Variants in SNX29 observed in about 807,000 individuals in gnomAD.
SNX29 encodes the protein sorting nexin 29.
In SNX29, 78 loss-of-function variants were observed where a neutral mutation model predicts 102.1. That is an observed-to-expected ratio of 0.76 (90% CI 0.64 to 0.92). The LOEUF (loss-of-function observed/expected upper bound fraction) is 0.92, where lower values mean the gene tolerates loss of function less well. Ranked by LOEUF, SNX29 falls within the 40% of genes least tolerant of loss-of-function variation. The pLI is 0.00. For missense variants in SNX29, 1,280 were observed against 1,061.7 expected (o/e 1.21, Z -2.86); for synonymous variants, 580 against 414.5 (o/e 1.40, Z -4.85).
At chr16:12,494,352 C>G (rs2088702848) in intron 19 of SNX29, among the ~76,000 whole-genome samples, 1 of 152,196 alleles carries the variant, frequency 6.6e-6, no homozygotes. Flanking sequence ...TGTCTCCTTC[C>G]TCGCTGGACT....
chr16:12,391,332 C>T (rs967229832), intron 16 of SNX29, among the ~76,000 whole-genome samples: 26 of 152,202 alleles, frequency 1.7e-4, no homozygotes, highest in Admixed American at 1.2e-3. Context: ...AATTAACCAT[C>T]GGGTACTCTT....
At chr16:12,334,084 A>G (rs890828743) in intron 15 of SNX29, among the ~76,000 whole-genome samples, 1 of 152,140 alleles carries the variant, frequency 6.6e-6, no homozygotes, top group Non-Finnish European at 1.5e-5. Flanking sequence ...CCTTTCAGCT[A>G]GACGTAGGGA....
chr16:12,387,051 G>A (rs1373523120), intron 16 of SNX29, among the ~76,000 whole-genome samples: 1 of 152,060 alleles, frequency 6.6e-6, no homozygotes, highest in African/African-American at 2.4e-5. Context: ...CTTGAACCTG[G>A]GAGGCAGAGG....
At chr16:12,218,990 G>A (rs1439612885) in intron 14 of SNX29, among the ~76,000 whole-genome samples, 2 of 152,050 alleles carry the variant, frequency 1.3e-5, no homozygotes, top group Non-Finnish European at 2.9e-5. Flanking sequence ...TAGCCAGGTT[G>A]GTCTCGATCT....
At chr16:12,129,327 T>C (rs2054353095) in intron 12 of SNX29, among the ~76,000 whole-genome samples, 1 of 152,208 alleles carries the variant, frequency 6.6e-6, no homozygotes, top group Non-Finnish European at 1.5e-5. Context: ...GTAAAGGGAC[T>C]TGGCTGGAAT....
In SNX29 at chr16:12,189,031, G is replaced by A. The variant is rs1177657840; in HGVS notation, c.1596-10570G>A. Among the ~76,000 whole-genome samples the A allele has an allele frequency of 3.9e-5, 6 of 152,298 alleles. No homozygotes were observed. In the East Asian group the frequency reaches 1.2e-3, roughly 29 times the overall value. On this transcript the variant is annotated intron_variant, in intron 13 of 20. Transcript: ENST00000566228. ...GGCTCCCAGGTGCCAGAGTGGCCCAGAAGTGTCCTGGAGGCTTGCCAAAAT... is the reference window on the plus strand; with the variant it reads ...GGCTCCCAGGTGCCAGAGTGGCCCAAAAGTGTCCTGGAGGCTTGCCAAAAT...
chr16:12,384,785 A>C (rs1191022815), intron 16 of SNX29, among the ~76,000 whole-genome samples: 1 of 152,186 alleles, frequency 6.6e-6, no homozygotes, highest in African/African-American at 2.4e-5. Context: ...CTTTCTTAGA[A>C]AGTCTGCATG....
At chr16:12,385,094 C>T (rs1597180612) in intron 16 of SNX29, among the ~76,000 whole-genome samples, 2 of 152,166 alleles carry the variant, frequency 1.3e-5, no homozygotes, top group African/African-American at 2.4e-5. Context: ...CGCTTGAACC[C>T]GGGAGGCAGA....
At chr16:12,267,440 C>T (rs1167700663) in intron 14 of SNX29, among the ~76,000 whole-genome samples, 1 of 152,092 alleles carries the variant, frequency 6.6e-6, no homozygotes, top group Admixed American at 6.5e-5. Context: ...GATTTCATGC[C>T]GTGGTGTTTG....
At chr16:12,531,583 G>T (rs1182953175) in intron 20 of SNX29, among the ~76,000 whole-genome samples, 1 of 152,204 alleles carries the variant, frequency 6.6e-6, no homozygotes, top group Admixed American at 6.5e-5. Flanking sequence ...CCATTCTCTG[G>T]GATGAGGACG....
intron 10 of SNX29, among the ~76,000 whole-genome samples, chr16:12,078,345 C>T (rs992327519): frequency 2.0e-5 from 3 of 151,916 alleles, no homozygotes; most frequent in Non-Finnish European, 4.4e-5. Flanking sequence ...TGTGGTGGTG[C>T]GGGCCTGTAA....
intron 14 of SNX29, among the ~76,000 whole-genome samples, chr16:12,216,725 C>A (rs954466449): frequency 6.6e-6 from 1 of 150,652 alleles, no homozygotes; most frequent in Non-Finnish European, 1.5e-5. Flanking sequence ...ACCCCACCCA[C>A]CCCTACATCT....
intron 14 of SNX29, among the ~76,000 whole-genome samples, chr16:12,220,585 C>T (rs1433684902): frequency 1.3e-5 from 2 of 152,178 alleles, no homozygotes; most frequent in Non-Finnish European, 2.9e-5. Flanking sequence ...TCGTGCTGAT[C>T]TCCCCTGCAT....
intron 15 of SNX29, among the ~76,000 whole-genome samples, chr16:12,343,505 A>T (rs1460310854): frequency 2.0e-5 from 3 of 152,184 alleles, no homozygotes; most frequent in Admixed American, 2.0e-4. Context: ...CAGATGAATG[A>T]TGGGGCTTGG....
intron 15 of SNX29, among the ~76,000 whole-genome samples, chr16:12,355,736 A>G (rs532704316): frequency 6.6e-6 from 1 of 151,894 alleles, no homozygotes; most frequent in Non-Finnish European, 1.5e-5. Context: ...AGCTGGCCCA[A>G]ATGGGTTGCA....
rs1200063983 is a variant in SNX29 at position 12,568,433 on chromosome 16, G to C, written c.2319-73G>C. ...CAGATCCCTCCTGCCCTCACACCTGGCTCCCCTTCCTGGCCTGTGGTCATT... is the reference window on the plus strand; with the variant it reads ...CAGATCCCTCCTGCCCTCACACCTGCCTCCCCTTCCTGGCCTGTGGTCATT... On this transcript the variant is annotated intron_variant, in intron 20 of 20. Coordinates refer to ENST00000566228, the MANE Select transcript of SNX29 (RefSeq NM_032167.5). 5 of 1,580,174 alleles carry C rather than the reference G, an allele frequency of 3.2e-6. No homozygotes were observed. The African/African-American group carries it at 6.7e-5, about 21-fold the overall frequency.
chr16:12,220,545 C>T (rs954599939), intron 14 of SNX29, among the ~76,000 whole-genome samples: 2 of 152,088 alleles, frequency 1.3e-5, no homozygotes, highest in African/African-American at 4.8e-5. Context: ...AGTGAAATGA[C>T]CTGAGCCAAT....
In SNX29 at chr16:12,052,208, G is replaced by T. The variant is rs145545344; in HGVS notation, c.1110G>T (p.Ser370=). ...NSSGRKHRGH[S]ESPEKPLEGN... The stretch of plus-strand genomic sequence containing the variant: ...CAGGAAGGAAGCACAGGGGCCACTC[G>T]GAGTCGCCCGAGAAGTAAGTTTGTG... Residue 370 remains serine (S), a synonymous_variant, in exon 8 of 21, where the codon TCG becomes TCT. Transcript: ENST00000566228. The T allele has an allele frequency of 2.5e-5, 41 of 1,613,868 alleles. No homozygotes were observed. The African/African-American group carries it at 4.4e-4, about 17-fold the overall frequency.
chr16:12,537,997 A>AAAT (rs1322311421), intron 20 of SNX29, among the ~76,000 whole-genome samples: 1 of 150,708 alleles, frequency 6.6e-6, no homozygotes, highest in Non-Finnish European at 1.5e-5. Flanking sequence ...AAAAAAAAAA[A>AAAT]AAAAAATTGT....
Sources: gnomAD v4.1 joint callset for allele counts (sites outside exome capture counted in the v4.1 genomes callset) on GRCh38, gnomAD v4.1.1 for gene constraint, MANE v1.5 for transcripts, NCBI Gene and HGNC (gene_info 2026-07-23, HGNC 2026-07-21) for gene names.